MGST3: variants seen among roughly 807,000 people sequenced by gnomAD.
MGST3 encodes the protein glutathione S-transferase 3, mitochondrial.
MGST3 carries 13 observed loss-of-function variants against 15.8 expected under a neutral mutation model. The ratio of observed to expected loss-of-function variants is 0.82; its 90% CI spans 0.54 to 1.31. The LOEUF is 1.31. Ranked by LOEUF, MGST3 falls within the 50% of genes most tolerant of loss-of-function variation. The probability of loss-of-function intolerance (pLI) is 0.00; values close to 1 mark genes in which losing one functional copy is unlikely to be tolerated. For synonymous variants in MGST3, 49 were observed against 68.1 expected (o/e 0.72, Z 1.38); for missense variants, 155 against 192.4 (o/e 0.81, Z 1.15).
At chr1:165,641,227 G>T (rs7554034) in intron 1 of MGST3, among the ~76,000 whole-genome samples, 1 of 151,982 alleles carries the variant, frequency 6.6e-6, no homozygotes, top group Non-Finnish European at 1.5e-5. Flanking sequence ...TTTTTTGTTT[G>T]CATGTTTGTT....
intron 1 of MGST3, among the ~76,000 whole-genome samples, chr1:165,642,853 G>C (rs925284928): frequency 6.6e-6 from 1 of 152,198 alleles, no homozygotes; most frequent in Non-Finnish European, 1.5e-5. Context: ...CTGCAAAGCT[G>C]TCTCGTGAAC....
chr1:165,636,647 G>C (rs775344545), intron 1 of MGST3: 2 of 151,964 alleles, frequency 1.3e-5, no homozygotes, highest in Admixed American at 6.6e-5. Context: ...TGAGGCAGAA[G>C]AATCACTTGA....
chr1:165,631,507 G>A (rs1647941761), intron 1 of MGST3, among the ~76,000 whole-genome samples: 1 of 152,210 alleles, frequency 6.6e-6, no homozygotes, highest in South Asian at 2.1e-4. Flanking sequence ...GGAGTGGGTT[G>A]GGAGCGTCTA....
chr1:165,643,498 C>T (rs1378827955), intron 1 of MGST3, among the ~76,000 whole-genome samples: 7 of 151,010 alleles, frequency 4.6e-5, no homozygotes, highest in Non-Finnish European at 1.0e-4. Flanking sequence ...ATGGGAGGAT[C>T]ACTAGAGCCC....
chr1:165,650,871 A>G (rs1648533058), intron 2 of MGST3, 143 bp from the exon 3 acceptor site: 1 of 731,302 alleles, frequency 1.4e-6, no homozygotes, highest in Non-Finnish European at 2.5e-6. Context: ...GTCACCATAA[A>G]TATTTAAGCA....
At position 165,650,058 on chromosome 1, in the gene MGST3, G is replaced by A. The variant is rs1005063436; in HGVS notation, c.117+94G>A. 1.1e-5 allele frequency: 17 copies of A among 1,576,446 alleles called. No individual in the cohort carries two copies. The African/African-American group carries it at 2.3e-4, about 21-fold the overall frequency. On this transcript the variant is annotated intron_variant, in intron 2 of 5. Coordinates refer to ENST00000367889, the MANE Select transcript of MGST3 (RefSeq NM_004528.4). Reference sequence around the variant, plus strand: ...TTTTCAGCCATGGAGGGAGAGGCAAGGAGCTAGTTGTGAGAAGTGGCAGTT... The same window carrying A: ...TTTTCAGCCATGGAGGGAGAGGCAAAGAGCTAGTTGTGAGAAGTGGCAGTT...
intron 1 of MGST3, among the ~76,000 whole-genome samples, chr1:165,640,859 T>G (rs553573155): frequency 8.5e-5 from 13 of 152,322 alleles, no homozygotes; most frequent in African/African-American, 3.1e-4. Flanking sequence ...GCAACAGCCC[T>G]GCCCAGTCTC....
Position 165,655,104 on chromosome 1 carries a change from G to A in MGST3, c.323-264G>A, listed in dbSNP as rs192433783. Among the ~76,000 whole-genome samples the A allele has an allele frequency of 2.6e-4, 40 of 152,208 alleles. 1 individual carries two copies. The highest frequency in any genetic ancestry group is 5.0e-4 in the Non-Finnish European group (34 of 67,998). On this transcript the variant is annotated intron_variant, in intron 5 of 5. Coordinates refer to ENST00000367889, the MANE Select transcript of MGST3 (RefSeq NM_004528.4). ...TAGCTGTACTTCTTTGAAACAGAGG[G>A]AACTCCTTCCAAAGGTCCTAGAGCA... is the stretch of plus-strand genomic sequence containing the variant.
intron 1 of MGST3, among the ~76,000 whole-genome samples, 166 bp downstream of exon 1, chr1:165,631,459 C>T (rs1647940270): frequency 6.6e-6 from 1 of 152,224 alleles, no homozygotes; most frequent in South Asian, 2.1e-4. Flanking sequence ...AATTTCCACC[C>T]TCTCTGCTCT....
At chr1:165,642,625 G>GT (rs1648290022) in intron 1 of MGST3, among the ~76,000 whole-genome samples, 1 of 152,140 alleles carries the variant, frequency 6.6e-6, no homozygotes, top group South Asian at 2.1e-4. Flanking sequence ...CATTTACTGA[G>GT]TCCTTCCTAT....
At chr1:165,654,802 A>G (rs375598591) in intron 5 of MGST3, among the ~76,000 whole-genome samples, 3 of 152,204 alleles carry the variant, frequency 2.0e-5, no homozygotes, top group African/African-American at 4.8e-5. Flanking sequence ...TAATCTTTCA[A>G]TTGTAACGAA....
At chr1:165,639,653 A>T (rs990751133) in intron 1 of MGST3, among the ~76,000 whole-genome samples, 1 of 152,074 alleles carries the variant, frequency 6.6e-6, no homozygotes, top group African/African-American at 2.4e-5. Context: ...AAATACAAAA[A>T]TTAGCTGGGT....
chr1:165,632,385 C>A, intron 1 of MGST3: 2 of 1,195,228 alleles, frequency 1.7e-6, no homozygotes, highest in Non-Finnish European at 2.5e-6. Flanking sequence ...TCACCTGGAG[C>A]CAGCAGTTCT....
intron 4 of MGST3, 36 bp downstream of exon 4, chr1:165,652,071 G>A: frequency 3.5e-6 from 5 of 1,415,942 alleles, no homozygotes; most frequent in Non-Finnish European, 5.0e-6. Flanking sequence ...TATTTGGATA[G>A]TAGTTCACTG....
intron 1 of MGST3, chr1:165,635,690 G>T (rs1373620124): frequency 6.6e-6 from 1 of 152,160 alleles, no homozygotes; most frequent in East Asian, 1.9e-4. Context: ...CTATACAGTT[G>T]AATATATTTG....
chr1:165,654,097 A>C, intron 4 of MGST3, 182 bp from the exon 5 acceptor site: 1 of 628,890 alleles, frequency 1.6e-6, no homozygotes, highest in East Asian at 3.0e-5. Flanking sequence ...TCATAGAAGA[A>C]TCACAGATAT....
intron 1 of MGST3, among the ~76,000 whole-genome samples, chr1:165,641,075 C>G (rs986222082): frequency 6.6e-5 from 10 of 152,060 alleles, no homozygotes; most frequent in African/African-American, 2.2e-4. Context: ...CCCTGCTACT[C>G]GGGAGGCTGA....
chr1:165,637,484 A>G (rs576466244), intron 1 of MGST3, among the ~76,000 whole-genome samples: 1 of 152,228 alleles, frequency 6.6e-6, no homozygotes, highest in African/African-American at 2.4e-5. Flanking sequence ...TGTGCTGGGG[A>G]ATTTCTGATG....
chr1:165,646,696 A>C (rs1233254439), intron 1 of MGST3: 1 of 152,274 alleles, frequency 6.6e-6, no homozygotes. Flanking sequence ...GGTCATTCTG[A>C]AAGACACCTG....
Sources: gnomAD v4.1 joint callset for allele counts (sites outside exome capture counted in the v4.1 genomes callset) on GRCh38, gnomAD v4.1.1 for gene constraint, MANE v1.5 for transcripts, NCBI Gene and HGNC (gene_info 2026-07-23, HGNC 2026-07-21) for gene names.